The following ETV1 variants were observed in gnomAD, a reference collection of about 807,000 sequenced individuals.
The protein encoded by ETV1 is ETS variant transcription factor 1, also known as ETS translocation variant 1.
Under a neutral mutation model 62.3 loss-of-function variants are expected in ETV1, and 27 were observed. The ratio of observed to expected loss-of-function variants is 0.43; its 90% CI spans 0.32 to 0.60. The LOEUF is 0.60. Among genes scored for constraint, ETV1 ranks in the 20% least tolerant of loss-of-function variants. The probability of loss-of-function intolerance (pLI) is 0.06; values close to 1 mark genes in which losing one functional copy is unlikely to be tolerated. For synonymous variants in ETV1, 222 were observed against 199.6 expected (o/e 1.11, Z -0.94); for missense variants, 605 against 605.8 (o/e 1.00, Z 0.01).
intron 9 of ETV1, among the ~76,000 whole-genome samples, chr7:13,927,827 A>T (rs1785609098): frequency 6.6e-6 from 1 of 152,196 alleles, no homozygotes; most frequent in Non-Finnish European, 1.5e-5. Flanking sequence ...AGAAAGATAC[A>T]ATTTTACCAT....
chr7:13,956,224 A>G (rs150906656), intron 6 of ETV1, among the ~76,000 whole-genome samples: 1 of 152,134 alleles, frequency 6.6e-6, no homozygotes, highest in Admixed American at 6.5e-5. Flanking sequence ...TTTTCACCCT[A>G]TTTATAATAA....
chr7:13,965,310 T>G (rs1306778339), intron 6 of ETV1, among the ~76,000 whole-genome samples: 1 of 152,210 alleles, frequency 6.6e-6, no homozygotes, highest in Non-Finnish European at 1.5e-5. Context: ...CTCACAGCTA[T>G]TCGCTCAGAT....
chr7:13,947,700 C>A (rs1459945939), intron 6 of ETV1, among the ~76,000 whole-genome samples: 1 of 152,312 alleles, frequency 6.6e-6, no homozygotes, highest in Non-Finnish European at 1.5e-5. Flanking sequence ...GCATGAGCAC[C>A]ACTATCACAT....
chr7:13,942,020 C>CTT (rs560415338), intron 6 of ETV1, among the ~76,000 whole-genome samples: 73 of 99,748 alleles, frequency 7.3e-4, no homozygotes, highest in African/African-American at 1.2e-3. Flanking sequence ...CCATGCATTT[C>CTT]TTTTTTTTTT....
At chr7:13,942,934 A>C (rs1787733814) in intron 6 of ETV1, among the ~76,000 whole-genome samples, 1 of 152,198 alleles carries the variant, frequency 6.6e-6, no homozygotes, top group Non-Finnish European at 1.5e-5. Context: ...AAATATTTAT[A>C]AACAGGACAC....
chr7:13,941,749 T>C (rs965743815), intron 6 of ETV1, among the ~76,000 whole-genome samples: 1 of 151,960 alleles, frequency 6.6e-6, no homozygotes, highest in African/African-American at 2.4e-5. Context: ...TGTCCACCTA[T>C]AATTCCAGCT....
At position 13,989,289 on chromosome 7, in the gene ETV1, A is replaced by T; in HGVS notation, c.-109T>A. On this transcript the variant is annotated 5_prime_UTR_variant, in exon 2 of 14. Coordinates refer to ENST00000430479, the MANE Select transcript of ETV1 (RefSeq NM_004956.5). ...TCACCTGGATCCAAAGAGAGCCAAC[A>T]GAGTTCACAATTTACATATTTTCGG... 1.9e-6 allele frequency: 1 copy of T among 517,266 alleles called. No individual in the cohort carries two copies. Among genetic ancestry groups the T allele is most frequent in the South Asian group, 3.1e-5 (1 of 32,786 alleles). The allele number at this position is 517,266 out of a possible 1,614,324, so 32.0% of individuals were successfully genotyped here.
In ETV1 at chr7:13,938,765, TG is replaced by T. The variant is rs555282830; in HGVS notation, c.365+351del. Among the ~76,000 whole-genome samples the T allele has an allele frequency of 2.2e-4, 33 of 152,344 alleles. 2 individuals carry two copies. The South Asian group carries it at 6.2e-3, about 29-fold the overall frequency. On this transcript the variant is annotated intron_variant, in intron 7 of 13. Transcript: ENST00000430479. Reference sequence around the variant, plus strand: ...TAATGTACTGCTCAGACCTGCCAAATGTTTCATTTTTTTCTGCAAACTCTCT... The same window carrying T: ...TAATGTACTGCTCAGACCTGCCAAATTTTCATTTTTTTCTGCAAACTCTCT...
intron 6 of ETV1, among the ~76,000 whole-genome samples, chr7:13,942,162 T>A (rs1421777881): frequency 1.3e-5 from 2 of 151,440 alleles, no homozygotes; most frequent in Non-Finnish European, 2.9e-5. Context: ...TAGCTGGGAC[T>A]ACAGGCGCCC....
At chr7:13,974,250 T>A (rs1419205656) in intron 6 of ETV1, among the ~76,000 whole-genome samples, 1 of 152,142 alleles carries the variant, frequency 6.6e-6, no homozygotes, top group African/African-American at 2.4e-5. Flanking sequence ...AATGAACACA[T>A]GCAAGGGCAA....
intron 6 of ETV1, among the ~76,000 whole-genome samples, chr7:13,957,915 G>C (rs1238432350): frequency 6.6e-6 from 1 of 152,194 alleles, no homozygotes; most frequent in Middle Eastern, 3.2e-3. Context: ...GATCACAACC[G>C]TGATAGGCCT....
At chr7:13,986,087 C>A in intron 5 of ETV1, 2 of 1,509,918 alleles carry the variant, frequency 1.3e-6, no homozygotes, top group East Asian at 2.4e-5. Flanking sequence ...ATTTTAAACC[C>A]ATAGATTTCC....
At chr7:13,942,795 A>C (rs28615403) in intron 6 of ETV1, among the ~76,000 whole-genome samples, 52,056 of 151,954 alleles carry the variant, frequency 0.34, 9,102 homozygotes, top group East Asian at 0.52. Context: ...AAATTGATGA[A>C]CTCTATAGCT....
In ETV1 at chr7:13,913,192, G is replaced by A. The variant is rs187231775; in HGVS notation, c.803-1885C>T. Reference sequence around the variant, plus strand: ...TATGCATTCAGTTCTGTTTCTTCACGAATAAAATGTACAAAGTTCAACAAC... The same window carrying A: ...TATGCATTCAGTTCTGTTTCTTCACAAATAAAATGTACAAAGTTCAACAAC... On this transcript the variant is annotated intron_variant, in intron 9 of 13. Coordinates refer to ENST00000430479, the MANE Select transcript of ETV1 (RefSeq NM_004956.5). Among the ~76,000 whole-genome samples the A allele has an allele frequency of 4.1e-3, 617 of 152,264 alleles. 2 individuals carry two copies. Among genetic ancestry groups the A allele is most frequent in the Non-Finnish European group, 6.7e-3 (458 of 68,018 alleles).
chr7:13,957,887 C>T (rs1051106467), intron 6 of ETV1, among the ~76,000 whole-genome samples: 4 of 152,230 alleles, frequency 2.6e-5, no homozygotes, highest in African/African-American at 4.8e-5. Flanking sequence ...ATGGATACCA[C>T]CTGCAAAACA....
At chr7:13,923,620 TA>T (rs1192593497) in intron 9 of ETV1, among the ~76,000 whole-genome samples, 1 of 152,216 alleles carries the variant, frequency 6.6e-6, no homozygotes, top group Non-Finnish European at 1.5e-5. Context: ...TAAGGACAGA[TA>T]ACCGTTCTCT....
chr7:13,977,079 A>G (rs1015018202), intron 6 of ETV1, among the ~76,000 whole-genome samples: 1 of 152,232 alleles, frequency 6.6e-6, no homozygotes, highest in Admixed American at 6.5e-5. Flanking sequence ...CTCTGTAAGC[A>G]TATTGGCAAA....
In ETV1 at chr7:13,897,364, T is replaced by C. The variant is rs7793932; in HGVS notation, c.1213-1277A>G. On this transcript the variant is annotated intron_variant, in intron 13 of 13. Coordinates refer to ENST00000430479, the MANE Select transcript of ETV1 (RefSeq NM_004956.5). ...TATTGTTATATCTTTGAGGGAAAAG[T>C]AACAATTGTCAATGAATGCTGCTGC... 8.8e-3 allele frequency among the ~76,000 whole-genome samples: 1,342 copies of C among 152,310 alleles called. 14 individuals are homozygous for C. Among genetic ancestry groups the C allele is most frequent in the African/African-American group, 0.028 (1,158 of 41,562 alleles).
intron 6 of ETV1, chr7:13,974,795 T>A (rs562332395): frequency 2.0e-5 from 3 of 152,400 alleles, no homozygotes; most frequent in African/African-American, 7.2e-5. Flanking sequence ...GGAAAAATCA[T>A]GATTTCACTG....
Sources: gnomAD v4.1 joint callset for allele counts (sites outside exome capture counted in the v4.1 genomes callset) on GRCh38, gnomAD v4.1.1 for gene constraint, MANE v1.5 for transcripts, NCBI Gene and HGNC (gene_info 2026-07-23, HGNC 2026-07-21) for gene names.